PACS1: variants seen among roughly 807,000 people sequenced by gnomAD.
The protein encoded by PACS1 is phosphofurin acidic cluster sorting protein 1, also known as PACS-1.
In PACS1, 24 loss-of-function variants were observed where a neutral mutation model predicts 115.0. The ratio of observed to expected loss-of-function variants is 0.21; its 90% CI spans 0.15 to 0.29. The LOEUF (loss-of-function observed/expected upper bound fraction) is 0.29. Among genes scored for constraint, PACS1 ranks in the 10% least tolerant of loss-of-function variants. PACS1 has a pLI of 1.00. For synonymous variants in PACS1, 453 were observed against 504.5 expected, an observed-to-expected ratio of 0.90 and a Z score of 1.37; for missense variants, 838 against 1,251.2, an observed-to-expected ratio of 0.67 and a Z score of 4.98.
chr11:66,177,706 G>A (rs1859901556), intron 1 of PACS1, among the ~76,000 whole-genome samples: 1 of 152,024 alleles, frequency 6.6e-6, no homozygotes, highest in South Asian at 2.1e-4. Context: ...GACCTCCTGG[G>A]TTCAAGCAAT....
intron 1 of PACS1, among the ~76,000 whole-genome samples, chr11:66,116,091 G>A (rs572953972): frequency 1.3e-5 from 2 of 152,170 alleles, no homozygotes; most frequent in Admixed American, 6.5e-5. Context: ...GGAATGTGTC[G>A]CTATTTGTTA....
intron 7 of PACS1, 114 bp downstream of exon 7, chr11:66,216,889 C>T: frequency 1.7e-6 from 1 of 593,154 alleles, no homozygotes; most frequent in Non-Finnish European, 3.0e-6. Context: ...AGGGTCATCC[C>T]TTCAACGATT....
intron 2 of PACS1, among the ~76,000 whole-genome samples, chr11:66,200,103 A>G (rs937005281): frequency 2.0e-5 from 3 of 152,036 alleles, no homozygotes; most frequent in African/African-American, 7.2e-5. Flanking sequence ...TAATCCCAGC[A>G]CTTTGGGAGG....
intron 1 of PACS1, among the ~76,000 whole-genome samples, chr11:66,131,284 T>C (rs890222674): frequency 6.6e-6 from 1 of 152,222 alleles, no homozygotes; most frequent in Non-Finnish European, 1.5e-5. Context: ...TTAAAACTTT[T>C]GTGAGTTTGG....
chr11:66,144,008 A>G (rs1305198233), intron 1 of PACS1, among the ~76,000 whole-genome samples: 1 of 152,252 alleles, frequency 6.6e-6, no homozygotes, highest in Non-Finnish European at 1.5e-5. Context: ...ATTAACTTAG[A>G]GTGGACTGTG....
At chr11:66,234,364 C>T in intron 17 of PACS1, 122 bp downstream of exon 17, 1 of 726,736 alleles carries the variant, frequency 1.4e-6, no homozygotes, top group Non-Finnish European at 2.5e-6. Flanking sequence ...CCCGGTCACT[C>T]TGTCCATTCA....
intron 1 of PACS1, among the ~76,000 whole-genome samples, chr11:66,150,068 T>C (rs1859203480): frequency 6.6e-6 from 1 of 152,142 alleles, no homozygotes; most frequent in Admixed American, 6.6e-5. Flanking sequence ...CTTATTCATA[T>C]TTGTTCAATT....
intron 1 of PACS1, among the ~76,000 whole-genome samples, chr11:66,130,720 G>A (rs541332286): frequency 6.6e-6 from 1 of 152,106 alleles, no homozygotes; most frequent in African/African-American, 2.4e-5. Flanking sequence ...TGTCTACTGC[G>A]TTTTATTTGC....
At chr11:66,122,484 G>A (rs550030776) in intron 1 of PACS1, among the ~76,000 whole-genome samples, 13 of 152,332 alleles carry the variant, frequency 8.5e-5, no homozygotes, top group Admixed American at 7.2e-4. Flanking sequence ...GCTGCCATAG[G>A]TAGTGATTCC....
chr11:66,080,282 G>A (rs1857459306), intron 1 of PACS1, among the ~76,000 whole-genome samples: 1 of 152,188 alleles, frequency 6.6e-6, no homozygotes, highest in African/African-American at 2.4e-5. Flanking sequence ...GCAGCAGACA[G>A]GCTGACAAAG....
intron 1 of PACS1, among the ~76,000 whole-genome samples, chr11:66,077,017 C>T (rs1349013053): frequency 6.6e-6 from 1 of 152,148 alleles, no homozygotes; most frequent in Non-Finnish European, 1.5e-5. Context: ...GAGGAATAAC[C>T]AGCTTCCAAA....
At chr11:66,229,946 A>G (rs1163172589) in intron 11 of PACS1, among the ~76,000 whole-genome samples, 2 of 147,136 alleles carry the variant, frequency 1.4e-5, no homozygotes, top group Non-Finnish European at 3.0e-5. Context: ...AATAAGAGCG[A>G]AAGTCCATCC....
At chr11:66,180,596 G>A (rs1212305228) in intron 1 of PACS1, among the ~76,000 whole-genome samples, 3 of 151,964 alleles carry the variant, frequency 2.0e-5, no homozygotes, top group Non-Finnish European at 4.4e-5. Context: ...CTCATGATCC[G>A]CCTACCTCAG....
At chr11:66,084,530 G>T (rs74649356) in intron 1 of PACS1, among the ~76,000 whole-genome samples, 3 of 151,966 alleles carry the variant, frequency 2.0e-5, no homozygotes, top group African/African-American at 7.3e-5. Flanking sequence ...TCCGGTCAGG[G>T]GGCTGCTGTG....
intron 1 of PACS1, among the ~76,000 whole-genome samples, chr11:66,192,382 G>A (rs1360272884): frequency 6.6e-6 from 1 of 152,206 alleles, no homozygotes; most frequent in African/African-American, 2.4e-5. Flanking sequence ...TGGCAAAAAT[G>A]CATAACCCAA....
At chr11:66,198,063 A>C (rs1854688383) in intron 2 of PACS1, among the ~76,000 whole-genome samples, 2 of 152,224 alleles carry the variant, frequency 1.3e-5, no homozygotes, top group African/African-American at 4.8e-5. Flanking sequence ...TAATGCAGCC[A>C]CTGTGTTGTT....
intron 1 of PACS1, among the ~76,000 whole-genome samples, chr11:66,178,119 A>G (rs923591445): frequency 2.0e-5 from 3 of 152,208 alleles, no homozygotes; most frequent in African/African-American, 7.2e-5. Flanking sequence ...TATATATATC[A>G]TGTAAAGAAT....
At chr11:66,206,551 A>G (rs1305964028) in intron 2 of PACS1, among the ~76,000 whole-genome samples, 2 of 152,254 alleles carry the variant, frequency 1.3e-5, no homozygotes, top group Non-Finnish European at 1.5e-5. Context: ...AAATTCAGAT[A>G]GTGAATTTGG....
chr11:66,230,262 G>C (rs1186828657), intron 11 of PACS1: 1 of 450,876 alleles, frequency 2.2e-6, no homozygotes, highest in African/African-American at 2.0e-5. Context: ...TTCACTCCTG[G>C]AGACAGCAGA....
Sources: allele counts gnomAD v4.1 joint callset (sites outside exome capture counted in the v4.1 genomes callset), GRCh38; gene constraint gnomAD v4.1.1; transcripts MANE v1.5; gene names NCBI Gene and HGNC (gene_info 2026-07-23, HGNC 2026-07-21).